The following NTNG1 variants were observed in gnomAD, a reference collection of about 807,000 sequenced individuals.
NTNG1 encodes the protein netrin G1.
Under a neutral mutation model 54.0 loss-of-function variants are expected in NTNG1, and 16 were observed. The ratio of observed to expected loss-of-function variants is 0.30; its 90% CI spans 0.20 to 0.45. The LOEUF (loss-of-function observed/expected upper bound fraction) is 0.45, where lower values mean the gene tolerates loss of function less well. Among genes scored for constraint, NTNG1 ranks in the 20% least tolerant of loss-of-function variants. The probability of loss-of-function intolerance (pLI) is 1.00; values close to 1 mark genes in which losing one functional copy is unlikely to be tolerated. For missense variants in NTNG1, 530 were observed against 678.7 expected, an observed-to-expected ratio of 0.78 and a Z score of 2.43; for synonymous variants, 255 against 263.1, an observed-to-expected ratio of 0.97 and a Z score of 0.30.
Position 107,483,750 on chromosome 1 carries a change from CT to C in NTNG1, c.*2913del, listed in dbSNP as rs1209044855. On this transcript the variant is annotated 3_prime_UTR_variant, in exon 8 of 8. Transcript: ENST00000370068. ...TCTTGCATATGAGTTAATCTATCAA[CT>C]TTCCCACATAGAACTGATATAATTC... Among the ~76,000 whole-genome samples the C allele has an allele frequency of 2.6e-5, 4 of 152,182 alleles. No individual in the cohort carries two copies. In the East Asian group the frequency reaches 5.8e-4, roughly 22 times the overall value.
intron 3 of NTNG1, among the ~76,000 whole-genome samples, chr1:107,383,519 A>T (rs890901592): frequency 6.6e-6 from 1 of 152,272 alleles, no homozygotes; most frequent in Non-Finnish European, 1.5e-5. Context: ...GTTGGTTACC[A>T]TAAACCACAG....
At chr1:107,211,951 G>T (rs1659621525) in intron 2 of NTNG1, among the ~76,000 whole-genome samples, 1 of 152,136 alleles carries the variant, frequency 6.6e-6, no homozygotes, top group Admixed American at 6.5e-5. Context: ...ATGCAGCCCA[G>T]CGGTGAAGTT....
chr1:107,154,629 G>A (rs1055283384), intron 2 of NTNG1, among the ~76,000 whole-genome samples: 1 of 149,022 alleles, frequency 6.7e-6, no homozygotes, highest in Non-Finnish European at 1.5e-5. Context: ...AAAAAACTGG[G>A]TGGAGCAGAT....
chr1:107,320,818 C>T (rs544106444), intron 2 of NTNG1, among the ~76,000 whole-genome samples: 9 of 151,862 alleles, frequency 5.9e-5, no homozygotes, highest in East Asian at 3.9e-4. Flanking sequence ...TAAAAGAGCA[C>T]GAGTGTTATG....
rs543637686 is a variant in NTNG1 at position 107,259,912 on chromosome 1, A to G, written c.247-64370A>G. Among the ~76,000 whole-genome samples, 51 of 152,340 alleles carry G rather than the reference A, an allele frequency of 3.3e-4. No homozygotes were observed. In the Middle Eastern group the frequency reaches 0.01, roughly 30 times the overall value. On this transcript the variant is annotated intron_variant, in intron 2 of 7. Transcript: ENST00000370068. ...TTCAGCATTCTGTTATTTTAATTAT[A>G]ATCCTACTGATTCAGAGTCCAGAAT...
intron 5 of NTNG1, among the ~76,000 whole-genome samples, chr1:107,423,887 C>T (rs1228682713): frequency 6.6e-6 from 1 of 152,058 alleles, no homozygotes; most frequent in Non-Finnish European, 1.5e-5. Context: ...TTAAACATAA[C>T]TTTTCTCTAT....
chr1:107,231,947 T>C (rs1353082588), intron 2 of NTNG1, among the ~76,000 whole-genome samples: 1 of 152,232 alleles, frequency 6.6e-6, no homozygotes, highest in Non-Finnish European at 1.5e-5. Flanking sequence ...TCCATATATC[T>C]GTGAGTATTT....
At chr1:107,447,423 C>T (rs1676371852) in intron 7 of NTNG1, among the ~76,000 whole-genome samples, 1 of 152,028 alleles carries the variant, frequency 6.6e-6, no homozygotes, top group South Asian at 2.1e-4. Context: ...GCTGGTTCAC[C>T]AGATGGAAGT....
intron 7 of NTNG1, among the ~76,000 whole-genome samples, chr1:107,445,654 T>C (rs903595582): frequency 2.6e-5 from 4 of 152,128 alleles, no homozygotes; most frequent in Admixed American, 6.6e-5. Flanking sequence ...ACTTTTACTT[T>C]GCAGATGGAG....
chr1:107,216,351 C>G (rs985389051), intron 2 of NTNG1, among the ~76,000 whole-genome samples: 2 of 152,132 alleles, frequency 1.3e-5, no homozygotes, highest in Non-Finnish European at 2.9e-5. Flanking sequence ...GGGTTTTAAT[C>G]ATAAGTGGAT....
intron 2 of NTNG1, among the ~76,000 whole-genome samples, chr1:107,152,584 T>C (rs78112446): frequency 2.5e-3 from 378 of 152,316 alleles, no homozygotes; most frequent in Non-Finnish European, 3.5e-3. Flanking sequence ...GAAGAACTCA[T>C]GTGTGTTTAT....
chr1:107,480,576 G>GCCCCCCCCCCCCCCCCCTCCCCCCCC, intron 7 of NTNG1, 35 bp from the exon 8 acceptor site: 1 of 339,098 alleles, frequency 2.9e-6, no homozygotes, highest in Non-Finnish European at 5.7e-6. Context: ...TCCTCCCCGC[G>GCCCCCCCCCCCCCCCCCTCCCCCCCC]CCCACCCACC....
chr1:107,377,412 A>G (rs1671356452), intron 3 of NTNG1, among the ~76,000 whole-genome samples: 1 of 152,198 alleles, frequency 6.6e-6, no homozygotes, highest in Non-Finnish European at 1.5e-5. Flanking sequence ...TTGTCTGAGA[A>G]GATTCTATTT....
At chr1:107,247,559 A>G (rs887198837) in intron 2 of NTNG1, among the ~76,000 whole-genome samples, 1 of 152,128 alleles carries the variant, frequency 6.6e-6, no homozygotes, top group African/African-American at 2.4e-5. Flanking sequence ...CCTTCTCTTC[A>G]ATTTTTGCCT....
chr1:107,376,431 A>G (rs12138751), intron 3 of NTNG1, among the ~76,000 whole-genome samples: 1 of 146,702 alleles, frequency 6.8e-6, no homozygotes. Context: ...AAAAAAAACA[A>G]AAAAAAAAAA....
chr1:107,254,372 G>A (rs928022082), intron 2 of NTNG1, among the ~76,000 whole-genome samples: 1 of 152,212 alleles, frequency 6.6e-6, no homozygotes, highest in Non-Finnish European at 1.5e-5. Flanking sequence ...AAATAACAAA[G>A]TCTTGGTGAC....
At chr1:107,325,768 A>C (rs2101882821) in intron 3 of NTNG1, among the ~76,000 whole-genome samples, 1 of 152,234 alleles carries the variant, frequency 6.6e-6, no homozygotes, top group Non-Finnish European at 1.5e-5. Flanking sequence ...TGAGATAATG[A>C]GTGGGAAAAG....
At chr1:107,460,598 T>A (rs1392413321) in intron 7 of NTNG1, among the ~76,000 whole-genome samples, 17 of 152,224 alleles carry the variant, frequency 1.1e-4, no homozygotes. Flanking sequence ...AAATAATAGC[T>A]GTAATTATTC....
At chr1:107,373,081 G>A (rs1056249801) in intron 3 of NTNG1, among the ~76,000 whole-genome samples, 2 of 151,922 alleles carry the variant, frequency 1.3e-5, no homozygotes, top group African/African-American at 2.4e-5. Flanking sequence ...TATACTTAAT[G>A]TAATTATTGA....
Sources: gnomAD v4.1 joint callset for allele counts (sites outside exome capture counted in the v4.1 genomes callset) on GRCh38, gnomAD v4.1.1 for gene constraint, MANE v1.5 for transcripts, NCBI Gene and HGNC (gene_info 2026-07-23, HGNC 2026-07-21) for gene names.